NOL4: variants seen among roughly 807,000 people sequenced by gnomAD.
The protein encoded by NOL4 is nucleolar protein 4.
NOL4 carries 17 observed loss-of-function variants against 75.9 expected under a neutral mutation model. The observed-to-expected ratio is 0.22, with a 90% CI of 0.15 to 0.34. NOL4 has a LOEUF of 0.34. Ranked by LOEUF, NOL4 falls within the 10% of genes least tolerant of loss-of-function variation. The pLI is 1.00. For synonymous variants in NOL4, 292 were observed against 289.9 expected (o/e 1.01, Z -0.07); for missense variants, 614 against 793.5 (o/e 0.77, Z 2.72).
intron 4 of NOL4, among the ~76,000 whole-genome samples, chr18:34,095,251 A>ATGCGTGTG (rs2078720165): frequency 1.4e-5 from 2 of 144,408 alleles, no homozygotes; most frequent in African/African-American, 5.1e-5. Context: ...TCTAATGTGT[A>ATGCGTGTG]TGTGTGTGTG....
chr18:33,911,082 G>A lies in NOL4; in HGVS notation c.1543-27658C>T, dbSNP rs72955301. Reference sequence around the variant, plus strand: ...TTTGCACCCATGATTTTTAGTGTTTGGGACAGTTTTTGTTGGTTGACATAT... The same window carrying A: ...TTTGCACCCATGATTTTTAGTGTTTAGGACAGTTTTTGTTGGTTGACATAT... On this transcript the variant is annotated intron_variant, in intron 9 of 10. Coordinates refer to ENST00000261592, the MANE Select transcript of NOL4 (RefSeq NM_003787.5). 3.8e-3 allele frequency among the ~76,000 whole-genome samples: 575 copies of A among 151,966 alleles called. 2 individuals are homozygous for A. Among genetic ancestry groups the A allele is most frequent in the Non-Finnish European group, 6.3e-3 (430 of 67,948 alleles).
At chr18:33,971,876 T>A (rs1234704289) in intron 6 of NOL4, among the ~76,000 whole-genome samples, 1 of 152,130 alleles carries the variant, frequency 6.6e-6, no homozygotes, top group Non-Finnish European at 1.5e-5. Flanking sequence ...CCAAAAATAC[T>A]TTTTTAAGGC....
chr18:34,162,016 C>T (rs374998623), intron 1 of NOL4, among the ~76,000 whole-genome samples: 1 of 152,060 alleles, frequency 6.6e-6, no homozygotes, highest in East Asian at 1.9e-4. Flanking sequence ...TATTTCTATG[C>T]CGGCAGAAAT....
At chr18:34,157,165 TG>T (rs1291977557) in intron 1 of NOL4, 1 of 152,204 alleles carries the variant, frequency 6.6e-6, no homozygotes, top group Non-Finnish European at 1.5e-5. Context: ...ATATAACACC[TG>T]GCTTATTTCT....
intron 2 of NOL4, among the ~76,000 whole-genome samples, chr18:34,126,215 G>A (rs967823372): frequency 6.6e-6 from 1 of 152,108 alleles, no homozygotes; most frequent in Non-Finnish European, 1.5e-5. Context: ...ATTCATTTTA[G>A]CACACAATGT....
At chr18:34,018,346 G>A (rs886289419) in intron 6 of NOL4, among the ~76,000 whole-genome samples, 3 of 152,090 alleles carry the variant, frequency 2.0e-5, no homozygotes, top group African/African-American at 7.2e-5. Flanking sequence ...CTTAGGTGTC[G>A]GCTAATGTCC....
At chr18:34,219,485 C>T (rs911240781) in intron 1 of NOL4, among the ~76,000 whole-genome samples, 3 of 152,168 alleles carry the variant, frequency 2.0e-5, no homozygotes, top group African/African-American at 7.2e-5. Context: ...GTTTAAACTG[C>T]AAGTGTGATG....
At chr18:33,978,424 T>C (rs947339643) in intron 6 of NOL4, among the ~76,000 whole-genome samples, 10 of 152,128 alleles carry the variant, frequency 6.6e-5, no homozygotes, top group African/African-American at 2.4e-4. Context: ...GATGATACTT[T>C]TTCTCTTCCA....
intron 5 of NOL4, among the ~76,000 whole-genome samples, chr18:34,057,414 G>A (rs1312118186): frequency 6.6e-6 from 1 of 152,096 alleles, no homozygotes; most frequent in African/African-American, 2.4e-5. Context: ...TTAAGCCCAG[G>A]TAAAACTAAA....
intron 10 of NOL4, among the ~76,000 whole-genome samples, chr18:33,879,038 T>C (rs954489969): frequency 1.2e-4 from 18 of 152,144 alleles, no homozygotes; most frequent in Admixed American, 1.2e-3. Context: ...GACGAGTTCC[T>C]CTCTATGTGA....
In NOL4 at chr18:33,894,019, T is replaced by C. The variant is rs114345585; in HGVS notation, c.1543-10595A>G. On this transcript the variant is annotated intron_variant, in intron 9 of 10. Coordinates refer to ENST00000261592, the MANE Select transcript of NOL4 (RefSeq NM_003787.5). ...TAATCTATATGAAAAAGTATTTTTG[T>C]TGAAGTTACTGCTCTAAATGTCTCC... Among the ~76,000 whole-genome samples, 1,027 of 152,270 alleles carry C rather than the reference T, an allele frequency of 6.7e-3. 12 individuals are homozygous for C. Among genetic ancestry groups the C allele is most frequent in the African/African-American group, 0.023 (964 of 41,568 alleles).
chr18:34,067,664 T>C (rs558393460), intron 5 of NOL4, among the ~76,000 whole-genome samples: 1 of 152,228 alleles, frequency 6.6e-6, no homozygotes, highest in South Asian at 2.1e-4. Flanking sequence ...TCAAGAAAAA[T>C]GGGAGTTATA....
At chr18:33,865,461 A>G (rs1384392942) in intron 10 of NOL4, among the ~76,000 whole-genome samples, 1 of 152,042 alleles carries the variant, frequency 6.6e-6, no homozygotes, top group Non-Finnish European at 1.5e-5. Context: ...GGAGATATGG[A>G]GCCCACTGAC....
intron 4 of NOL4, among the ~76,000 whole-genome samples, chr18:34,099,354 C>T: frequency 2.5e-5 from 1 of 40,744 alleles, no homozygotes. Context: ...CAGAGTGAGA[C>T]TTTGTCTCAA....
At chr18:33,936,083 C>T (rs1267200292) in intron 9 of NOL4, among the ~76,000 whole-genome samples, 1 of 152,078 alleles carries the variant, frequency 6.6e-6, no homozygotes, top group East Asian at 1.9e-4. Context: ...GGACACAAAA[C>T]TGCAGAATTA....
At chr18:34,127,883 T>C (rs975539097) in intron 2 of NOL4, among the ~76,000 whole-genome samples, 2 of 151,840 alleles carry the variant, frequency 1.3e-5, no homozygotes, top group African/African-American at 4.8e-5. Flanking sequence ...GACAACACTT[T>C]AGATGTGCAA....
intron 1 of NOL4, among the ~76,000 whole-genome samples, chr18:34,181,341 A>G (rs972571946): frequency 6.6e-6 from 1 of 151,594 alleles, no homozygotes; most frequent in Admixed American, 6.6e-5. Flanking sequence ...TTTTCCACAA[A>G]TGGTGCTGTG....
intron 5 of NOL4, chr18:34,023,758 T>C (rs1460888492): frequency 8.2e-6 from 2 of 243,676 alleles, no homozygotes; most frequent in Non-Finnish European, 1.7e-5. Context: ...TGGCTACTTT[T>C]GATGGGATGG....
intron 1 of NOL4, among the ~76,000 whole-genome samples, chr18:34,138,119 G>C (rs1054349769): frequency 6.6e-6 from 1 of 152,146 alleles, no homozygotes; most frequent in Non-Finnish European, 1.5e-5. Context: ...AATGTATATA[G>C]ATAGAAATAG....
Sources: allele counts gnomAD v4.1 joint callset (sites outside exome capture counted in the v4.1 genomes callset), GRCh38; gene constraint gnomAD v4.1.1; transcripts MANE v1.5; gene names NCBI Gene and HGNC (gene_info 2026-07-23, HGNC 2026-07-21).